Variants in MSH4 observed in about 807,000 individuals in gnomAD.
MSH4 encodes mutS protein homolog 4.
In MSH4, 106 loss-of-function variants were observed where a neutral mutation model predicts 113.7. The ratio of observed to expected loss-of-function variants is 0.93; its 90% CI spans 0.80 to 1.10. MSH4 has a LOEUF of 1.10. Ranked by LOEUF, MSH4 falls within the 50% of genes least tolerant of loss-of-function variation. MSH4 has a pLI of 0.00. For missense variants in MSH4, 1,061 were observed against 1,093.7 expected, an observed-to-expected ratio of 0.97 and a Z score of 0.42; for synonymous variants, 368 against 380.2, an observed-to-expected ratio of 0.97 and a Z score of 0.37.
chr1:75,899,696 G>A lies in MSH4; in HGVS notation c.2609G>A (p.Arg870Lys). The A allele has an allele frequency of 1.3e-6, 2 of 1,490,784 alleles. No individual in the cohort carries two copies. The highest frequency in any genetic ancestry group is 1.8e-6 in the Non-Finnish European group (2 of 1,126,802). The allele number at this position is 1,490,784 out of a possible 1,614,324, so 92.3% of individuals were successfully genotyped here. Residue 870 changes from arginine to lysine, a missense_variant, in exon 19 of 20, where the codon AGA (arginine) becomes AAA (lysine). By Grantham distance (26) the Arg-to-Lys change is conservative. Transcript: ENST00000263187. ...DAKEITTQITRQILQNQRSTP... is the reference protein window; with the variant it reads ...DAKEITTQITKQILQNQRSTP... ...AAGGAAATCACAACTCAAATTACGA[G>A]ACAAATTTTGGTAAGAAACTTTGTT...
intron 7 of MSH4, among the ~76,000 whole-genome samples, chr1:75,847,750 T>C (rs1651105431): frequency 6.6e-6 from 1 of 152,184 alleles, no homozygotes; most frequent in Non-Finnish European, 1.5e-5. Flanking sequence ...AACCTGTTCT[T>C]GTGTGGGAAC....
chr1:75,898,595 T>C (rs2100588834), intron 18 of MSH4, among the ~76,000 whole-genome samples: 1 of 151,652 alleles, frequency 6.6e-6, no homozygotes, highest in South Asian at 2.1e-4. Context: ...CTCTGCTCAC[T>C]GCAACCTCCA....
At position 75,888,893 on chromosome 1, in the gene MSH4, CT is replaced by C. The variant is rs74683108; in HGVS notation, c.2108-339del. ...TAACTTTGTACAGTAGGTAGGGCAA[CT>C]TTTTTTTTTTTTTTTTTTGAGACGG... On this transcript the variant is annotated intron_variant, in intron 15 of 19. Coordinates refer to ENST00000263187, the MANE Select transcript of MSH4 (RefSeq NM_002440.4). Among the ~76,000 whole-genome samples, 651 of 132,942 alleles carry C rather than the reference CT, an allele frequency of 4.9e-3. 1 individual carries two copies. Among genetic ancestry groups the C allele is most frequent in the African/African-American group, 0.012 (452 of 36,208 alleles). The allele number at this position is 132,942 out of a possible 152,430, so 87.2% of individuals were successfully genotyped here.
At chr1:75,839,760 A>G (rs1241724573) in intron 7 of MSH4, among the ~76,000 whole-genome samples, 1 of 148,470 alleles carries the variant, frequency 6.7e-6, no homozygotes, top group Non-Finnish European at 1.5e-5. Context: ...AATTTTTGCA[A>G]CCTACTCATC....
intron 2 of MSH4, among the ~76,000 whole-genome samples, chr1:75,806,516 G>A (rs1650071623): frequency 6.6e-6 from 1 of 151,938 alleles, no homozygotes; most frequent in Non-Finnish European, 1.5e-5. Flanking sequence ...CAAAGTGCTG[G>A]GATTACAGGC....
chr1:75,890,460 C>T (rs1240842364), intron 16 of MSH4, among the ~76,000 whole-genome samples: 5 of 151,960 alleles, frequency 3.3e-5, no homozygotes, highest in African/African-American at 4.8e-5. Flanking sequence ...TGGTTATTTA[C>T]TCTGTTGTCT....
intron 9 of MSH4, among the ~76,000 whole-genome samples, chr1:75,873,566 C>T (rs951048814): frequency 2.0e-5 from 3 of 151,904 alleles, no homozygotes; most frequent in Non-Finnish European, 2.9e-5. Flanking sequence ...TCCTCCCAAC[C>T]TCCACCCTCA....
chr1:75,885,853 A>G (rs1467940904), intron 15 of MSH4, among the ~76,000 whole-genome samples: 1 of 129,096 alleles, frequency 7.7e-6, no homozygotes, highest in Admixed American at 9.1e-5. Context: ...TATATAGTAT[A>G]TGTAATGTAT....
chr1:75,890,697 T>G lies in MSH4; in HGVS notation c.2228T>G (p.Ile743Arg), dbSNP rs750191851. Residue 743 changes from isoleucine to arginine, a missense_variant and splice_region_variant, in exon 17 of 20, where the codon ATA (isoleucine) becomes AGA (arginine). By Grantham distance (97) the Ile-to-Arg change is moderately conservative. Coordinates refer to ENST00000263187, the MANE Select transcript of MSH4 (RefSeq NM_002440.4). The stretch of plus-strand genomic sequence containing the variant: ...AAATATTAAAATTATATATTTCAGA[T>G]AGCATATATTCTACATAATGCTAAT... ...SSTFMKEMKE[I>R]AYILHNANDK... 1 of 1,476,172 alleles carries G rather than the reference T, an allele frequency of 6.8e-7. No individual in the cohort carries two copies. The highest frequency in any genetic ancestry group is 9.3e-7 in the Non-Finnish European group (1 of 1,080,394). The allele number at this position is 1,476,172 out of a possible 1,614,324, so 91.4% of individuals were successfully genotyped here.
Position 75,905,482 on chromosome 1 carries a change from G to C in MSH4, c.2619+5776G>C, listed in dbSNP as rs77162772. Among the ~76,000 whole-genome samples, 996 of 152,086 alleles carry C rather than the reference G, an allele frequency of 6.5e-3. 4 individuals carry two copies. The highest frequency in any genetic ancestry group is 0.023 in the African/African-American group (958 of 41,478). ...GTGGCCTAATGTATTGTTTATCCTG[G>C]AGACTGTTTCATGTGATGATGAGAA... On this transcript the variant is annotated intron_variant, in intron 19 of 19. Transcript: ENST00000263187.
chr1:75,903,767 TG>T (rs1483827473), intron 19 of MSH4, among the ~76,000 whole-genome samples: 4 of 152,122 alleles, frequency 2.6e-5, no homozygotes, highest in African/African-American at 9.6e-5. Context: ...TTTATATTTT[TG>T]GTGGAGTCTT....
Position 75,807,042 on chromosome 1 carries a change from G to A in MSH4, c.489G>A (p.Gly163=). ...CAGTTATTGTAGCTGTTGTAGAAGG[G>A]AGAGGACTTGCCAGAGGTGAAATAG... ...SPSVIVAVVE[G]RGLARGEIGM... is the part of the protein sequence containing the mutation. Residue 163 remains glycine (G), a synonymous_variant, in exon 3 of 20, where the codon GGG becomes GGA. Transcript: ENST00000263187. 1 of 1,591,650 alleles carries A rather than the reference G, an allele frequency of 6.3e-7. No individual in the cohort carries two copies. The highest frequency in any genetic ancestry group is 8.5e-7 in the Non-Finnish European group (1 of 1,173,172).
chr1:75,885,047 G>GTA (rs1223601707), intron 15 of MSH4, among the ~76,000 whole-genome samples: 1 of 108,952 alleles, frequency 9.2e-6, no homozygotes, highest in African/African-American at 4.5e-5. Flanking sequence ...GTGTGTGTGT[G>GTA]TGTGTGTGTG....
intron 8 of MSH4, among the ~76,000 whole-genome samples, chr1:75,861,642 C>T (rs576017001): frequency 3.9e-5 from 6 of 152,306 alleles, no homozygotes; most frequent in East Asian, 1.9e-4. Context: ...CTGGAAGCTT[C>T]GTCCCAGAGG....
chr1:75,873,340 A>G (rs1161228968), intron 9 of MSH4, among the ~76,000 whole-genome samples: 1 of 152,198 alleles, frequency 6.6e-6, no homozygotes, highest in Non-Finnish European at 1.5e-5. Context: ...TCATTAATTC[A>G]GCCATGTGAC....
rs1271943283 is a variant in MSH4, at chr1:75,822,517, C to T, written c.1098C>T (p.Asn366=). 1.3e-6 allele frequency: 2 copies of T among 1,585,546 alleles called. No individual in the cohort carries two copies. The highest frequency in any genetic ancestry group is 1.7e-6 in the Non-Finnish European group (2 of 1,169,752). ...CTCTAGTTGATATTGAAACCATTAA[C>T]ATGAGATTAGATTGTGTTCAAGAAC... The part of the protein sequence containing the change: ...LEPLVDIETI[N]MRLDCVQELL... Residue 366 remains asparagine (N), a synonymous_variant, in exon 7 of 20, where the codon AAC becomes AAT. Coordinates refer to ENST00000263187, the MANE Select transcript of MSH4 (RefSeq NM_002440.4).
chr1:75,900,577 G>A (rs545183735), intron 19 of MSH4, among the ~76,000 whole-genome samples: 8 of 152,246 alleles, frequency 5.3e-5, no homozygotes, highest in Admixed American at 5.2e-4. Flanking sequence ...AAAGTGCTGG[G>A]ATTACAGGTG....
chr1:75,903,932 C>T (rs11161854), intron 19 of MSH4, among the ~76,000 whole-genome samples: 75,049 of 151,860 alleles, frequency 0.49, 19,344 homozygotes, highest in African/African-American at 0.63. Flanking sequence ...GTGGGTGTCC[C>T]TGTTTTGTTC....
In MSH4 at chr1:75,803,788, C is replaced by T. The variant is rs971523677; in HGVS notation, c.302C>T (p.Thr101Ile). Reference sequence around the variant, plus strand: ...GAAAACACAGTTGCATCAAATTTTACTTTTGGTGCAAGCTCATCTTCTGCA... The same window carrying T: ...GAAAACACAGTTGCATCAAATTTTATTTTTGGTGCAAGCTCATCTTCTGCA... ...YAENTVASNF[T>I]FGASSSSARD... Residue 101 changes from threonine to isoleucine, a missense_variant, in exon 2 of 20, where the codon ACT becomes ATT. By Grantham distance (89) the Thr-to-Ile change is moderately conservative (BLOSUM62 -1). Coordinates refer to ENST00000263187, the MANE Select transcript of MSH4 (RefSeq NM_002440.4). 3 of 1,604,808 alleles carry T rather than the reference C, an allele frequency of 1.9e-6. No individual in the cohort carries two copies. In the African/African-American group the frequency reaches 4.0e-5, roughly 22 times the overall value.
Sources: gnomAD v4.1 joint callset for allele counts (sites outside exome capture counted in the v4.1 genomes callset) on GRCh38, gnomAD v4.1.1 for gene constraint, MANE v1.5 for transcripts, NCBI Gene and HGNC (gene_info 2026-07-23, HGNC 2026-07-21) for gene names.